The following AHR variants were observed in gnomAD, a reference collection of about 807,000 sequenced individuals.
AHR encodes aryl hydrocarbon receptor.
A neutral mutation model predicts 86.8 loss-of-function variants in AHR; 40 were observed. That is an observed-to-expected ratio of 0.46 (90% CI 0.36 to 0.60). AHR has a LOEUF of 0.60. Among genes scored for constraint, AHR ranks in the 20% least tolerant of loss-of-function variants. The pLI, the probability that AHR is intolerant of heterozygous loss-of-function variation, is 0.00. For missense variants in AHR, 1,001 were observed against 1,011.6 expected, an observed-to-expected ratio of 0.99 and a Z score of 0.14; for synonymous variants, 398 against 354.9, an observed-to-expected ratio of 1.12 and a Z score of -1.37.
rs1458857169 is a variant in AHR, at chr7:17,343,175, T to A, written c.*111T>A. 5.1e-5 allele frequency: 64 copies of A among 1,253,554 alleles called. No homozygotes were observed. The highest frequency in any genetic ancestry group is 7.1e-5 in the Non-Finnish European group (62 of 871,402). 77.7% of individuals were successfully genotyped at this position (1,253,554 alleles called of 1,614,324 possible). A position where few individuals can be genotyped will look rare whatever the true frequency, so the allele number is the denominator to read the frequency against. The stretch of plus-strand genomic sequence containing the variant: ...CAGCAAGTTCACATGGAGGCATTGA[T>A]GCATGCTATTCACAATTATTCCAAA... On this transcript the variant is annotated 3_prime_UTR_variant, in exon 11 of 11. Coordinates refer to ENST00000242057, the MANE Select transcript of AHR (RefSeq NM_001621.5).
At chr7:17,327,629 G>T (rs1465527560) in intron 3 of AHR, 130 bp from the exon 4 acceptor site, 5 of 395,440 alleles carry the variant, frequency 1.3e-5, no homozygotes, top group Non-Finnish European at 2.3e-5. Context: ...GTATGTTTTG[G>T]CTGTGTTTGT....
chr7:17,329,872 T>C, intron 4 of AHR, 80 bp from the exon 5 acceptor site: 4 of 1,329,764 alleles, frequency 3.0e-6, no homozygotes, highest in Non-Finnish European at 3.0e-6. Context: ...CACCCACTAA[T>C]CTAAATAGGC....
intron 2 of AHR, among the ~76,000 whole-genome samples, chr7:17,317,513 C>T (rs1465344137): frequency 6.6e-6 from 1 of 152,086 alleles, no homozygotes; most frequent in Non-Finnish European, 1.5e-5. Flanking sequence ...AATAACTGTG[C>T]TGAACAGCAT....
At chr7:17,300,814 A>G (rs1001061710) in intron 1 of AHR, among the ~76,000 whole-genome samples, 1 of 152,150 alleles carries the variant, frequency 6.6e-6, no homozygotes, top group African/African-American at 2.4e-5. Flanking sequence ...TACACTTAGC[A>G]TCATATATAA....
At chr7:17,320,124 G>T (rs1483235399) in intron 2 of AHR, among the ~76,000 whole-genome samples, 3 of 152,026 alleles carry the variant, frequency 2.0e-5, no homozygotes, top group African/African-American at 4.8e-5. Context: ...TGTTTAGAAA[G>T]AATTTGTTCT....
chr7:17,301,722 A>G (rs1031019103), intron 1 of AHR, among the ~76,000 whole-genome samples: 3 of 151,962 alleles, frequency 2.0e-5, no homozygotes, highest in African/African-American at 4.8e-5. Flanking sequence ...TTAGTAGGAA[A>G]TACATTTTAA....
At chr7:17,314,251 AAC>A (rs1383315020) in intron 2 of AHR, among the ~76,000 whole-genome samples, 4 of 152,082 alleles carry the variant, frequency 2.6e-5, no homozygotes, top group Admixed American at 6.6e-5. Flanking sequence ...TTATTTTTAA[AAC>A]AAGGTAATGT....
chr7:17,306,444 A>T (rs1782006654), intron 1 of AHR, among the ~76,000 whole-genome samples: 1 of 152,172 alleles, frequency 6.6e-6, no homozygotes, highest in Non-Finnish European at 1.5e-5. Context: ...TTAAGTTCTG[A>T]GGGTACTTCT....
In AHR at chr7:17,339,958, T is replaced by A; in HGVS notation, c.2133T>A (p.His711Gln). The A allele has an allele frequency of 6.2e-7, 1 of 1,614,136 alleles. No individual in the cohort carries two copies. ...ISCNQPVLPQ[H>Q]SKCTELDYPM... is the part of the protein sequence containing the mutation. ...GTAATCAGCCTGTATTACCACAACA[T>A]TCCAAATGTACAGAGCTGGACTACC... The change falls in exon 10 of 11, where the codon CAT (histidine) becomes CAA (glutamine). Residue 711 changes from histidine (H) to glutamine (Q), a missense_variant. Physicochemically the swap from His to Gln is conservative, Grantham distance 24 (BLOSUM62 0). Around this residue, in one of 2 missense-constraint regions of AHR, gnomAD observed 607 missense variants for 543.1 expected, o/e 1.12. Coordinates refer to ENST00000242057, the MANE Select transcript of AHR (RefSeq NM_001621.5).
At chr7:17,313,850 A>G (rs943939383) in intron 2 of AHR, among the ~76,000 whole-genome samples, 5 of 152,122 alleles carry the variant, frequency 3.3e-5, no homozygotes, top group African/African-American at 9.6e-5. Context: ...GGTGGTTACA[A>G]TCTAATCTTT....
At chr7:17,308,818 A>G (rs1782033020) in intron 1 of AHR, among the ~76,000 whole-genome samples, 1 of 152,250 alleles carries the variant, frequency 6.6e-6, no homozygotes, top group South Asian at 2.1e-4. Context: ...CACATACATC[A>G]CTGAAAAGAA....
At position 17,307,906 on chromosome 7, in the gene AHR, C is replaced by T. The variant is rs185906725; in HGVS notation, c.66-2030C>T. Among the ~76,000 whole-genome samples the T allele has an allele frequency of 7.9e-4, 120 of 152,170 alleles. 1 individual carries two copies. The highest frequency in any genetic ancestry group is 7.4e-3 in the Admixed American group (113 of 15,278). On this transcript the variant is annotated intron_variant, in intron 1 of 10. Coordinates refer to ENST00000242057, the MANE Select transcript of AHR (RefSeq NM_001621.5). ...ATCTTGAACATTTTTGCATCAGACA[C>T]CCACATAGCTCACTTCATTTTACTC...
At chr7:17,328,757 G>A (rs1372652468) in intron 4 of AHR, among the ~76,000 whole-genome samples, 1 of 151,846 alleles carries the variant, frequency 6.6e-6, no homozygotes, top group African/African-American at 2.4e-5. Flanking sequence ...TTGTTACAGG[G>A]GGTGTGTATA....
chr7:17,322,392 G>A, intron 2 of AHR, 109 bp from the exon 3 acceptor site: 1 of 686,560 alleles, frequency 1.5e-6, no homozygotes. Flanking sequence ...AAAAATACCA[G>A]TGGATGCCAG....
chr7:17,305,023 G>A (rs977395638), intron 1 of AHR, among the ~76,000 whole-genome samples: 1 of 152,068 alleles, frequency 6.6e-6, no homozygotes, highest in Non-Finnish European at 1.5e-5. Context: ...CCCTGCTAAT[G>A]TCTTGTGCTA....
At chr7:17,303,567 C>T (rs1781975295) in intron 1 of AHR, among the ~76,000 whole-genome samples, 1 of 152,052 alleles carries the variant, frequency 6.6e-6, no homozygotes, top group Non-Finnish European at 1.5e-5. Flanking sequence ...TGCTACCCAC[C>T]TCCCTTCCTC....
chr7:17,299,017 C>T lies in AHR; in HGVS notation c.-248C>T. The T allele has an allele frequency of 4.2e-6, 2 of 471,238 alleles. No individual in the cohort carries two copies. Among genetic ancestry groups the T allele is most frequent in the Non-Finnish European group, 7.3e-6 (2 of 272,738 alleles). The allele number at this position is 471,238 out of a possible 1,614,324, so 29.2% of individuals were successfully genotyped here. ...CTGCGCCGCCTTGCTCGCGGGTCTC[C>T]GCCCCTCGCCCACCCTCACTGCGCC... On this transcript the variant is annotated 5_prime_UTR_variant, in exon 1 of 11. Coordinates refer to ENST00000242057, the MANE Select transcript of AHR (RefSeq NM_001621.5).
At chr7:17,314,991 A>G (rs893681770) in intron 2 of AHR, among the ~76,000 whole-genome samples, 3 of 152,068 alleles carry the variant, frequency 2.0e-5, no homozygotes, top group Non-Finnish European at 4.4e-5. Flanking sequence ...TCCATCTTAA[A>G]TGGTGATTTA....
In AHR at chr7:17,345,345, T is replaced by C. The variant is rs981774938; in HGVS notation, c.*2281T>C. 6.6e-6 allele frequency: 1 copy of C among 152,614 alleles called. No individual in the cohort carries two copies. Among genetic ancestry groups the C allele is most frequent in the East Asian group, 1.9e-4 (1 of 5,196 alleles). 9.5% of individuals were successfully genotyped at this position (152,614 alleles called of 1,614,324 possible). On this transcript the variant is annotated 3_prime_UTR_variant, in exon 11 of 11. Transcript: ENST00000242057. ...AAAAAAATACAATTTTTATTTCTTTTACTTTTTTTAGTAAGTTAATGTATA... is the reference window on the plus strand; with the variant it reads ...AAAAAAATACAATTTTTATTTCTTTCACTTTTTTTAGTAAGTTAATGTATA...
Sources: allele counts gnomAD v4.1 joint callset (sites outside exome capture counted in the v4.1 genomes callset), GRCh38; gene constraint gnomAD v4.1.1; regional missense constraint gnomAD v4.1.1; transcripts MANE v1.5; gene names NCBI Gene and HGNC (gene_info 2026-07-23, HGNC 2026-07-21).